MICAL1: variants seen among roughly 807,000 people sequenced by gnomAD.
The protein encoded by MICAL1 is [F-actin]-monooxygenase MICAL1.
MICAL1 carries 95 observed loss-of-function variants against 131.8 expected under a neutral mutation model. That is an observed-to-expected ratio of 0.72 (90% CI 0.61 to 0.86). The LOEUF (loss-of-function observed/expected upper bound fraction) is 0.86. Among genes scored for constraint, MICAL1 ranks in the 40% least tolerant of loss-of-function variants. The probability of loss-of-function intolerance (pLI) is 0.00; values close to 1 mark genes in which losing one functional copy is unlikely to be tolerated. For synonymous variants in MICAL1, 546 were observed against 554.2 expected, an observed-to-expected ratio of 0.99 and a Z score of 0.21; for missense variants, 1,292 against 1,380.6, an observed-to-expected ratio of 0.94 and a Z score of 1.02.
chr6:109,448,114 A>G (rs1775324440), intron 13 of MICAL1, 89 bp downstream of exon 13: 2 of 1,365,052 alleles, frequency 1.5e-6, no homozygotes, highest in Non-Finnish European at 2.0e-6. Flanking sequence ...ACACACACAC[A>G]CACCGCCTTC....
In MICAL1 at chr6:109,448,349, G is replaced by A; in HGVS notation, c.1709C>T (p.Ala570Val). ...LQGLGALEAT[A>V]WALKVAENEL... Reference sequence around the variant, plus strand: ...ATTCTCTGCCACCTTTAGTGCCCAAGCAGTTGCTTCCAGAGCTCCCAGCCC... The same window carrying A: ...ATTCTCTGCCACCTTTAGTGCCCAAACAGTTGCTTCCAGAGCTCCCAGCCC... Residue 570 changes from alanine to valine, a missense_variant, in exon 13 of 25, where the codon GCT becomes GTT. Physicochemically the swap from Ala to Val is moderately conservative, Grantham distance 64. Coordinates refer to ENST00000358807, the MANE Select transcript of MICAL1 (RefSeq NM_022765.4). 6.2e-7 allele frequency: 1 copy of A among 1,613,954 alleles called. No individual in the cohort carries two copies. The highest frequency in any genetic ancestry group is 8.5e-7 in the Non-Finnish European group (1 of 1,180,004).
At chr6:109,448,439 C>T in intron 12 of MICAL1, 46 bp from the exon 13 acceptor site, 1 of 1,601,278 alleles carries the variant, frequency 6.2e-7, no homozygotes, top group African/African-American at 1.3e-5. Flanking sequence ...AAGAACCTAG[C>T]CCCACTGAGG....
At position 109,453,656 on chromosome 6, in the gene MICAL1, C is replaced by A; in HGVS notation, c.448G>T (p.Gly150Cys). The change falls in exon 3 of 25, where the codon GGC (glycine) becomes TGC (cysteine). Residue 150 changes from glycine (G) to cysteine (C), a missense_variant. Transcript: ENST00000358807. ...TGCTCACTGATGTGGTCCAGGGTGC[C>A]GGTGCAGAAGCGCCCGTAGAACTTC... The part of the protein sequence containing the change: ...AKKFYGRFCT[G>C]TLDHISIRQL... The A allele has an allele frequency of 6.2e-7, 1 of 1,607,498 alleles. No individual in the cohort carries two copies. Among genetic ancestry groups the A allele is most frequent in the East Asian group, 2.2e-5 (1 of 44,468 alleles).
chr6:109,449,610 G>A, intron 10 of MICAL1, 47 bp downstream of exon 10: 2 of 1,593,368 alleles, frequency 1.3e-6, no homozygotes, highest in Non-Finnish European at 1.7e-6. Context: ...TGACCTGGGG[G>A]AAGGGGGTTG....
chr6:109,446,914 C>T (rs1314426110), intron 17 of MICAL1, 142 bp from the exon 18 acceptor site: 9 of 1,228,244 alleles, frequency 7.3e-6, no homozygotes, highest in South Asian at 1.3e-5. Context: ...CAGAACCACA[C>T]ATCTGGAGCT....
Position 109,451,696 on chromosome 6 carries a change from A to G in MICAL1, c.837T>C (p.Ile279=). The change falls in exon 7 of 25, where the codon ATT becomes ATC. Residue 279 remains isoleucine (I), a synonymous_variant. Coordinates refer to ENST00000358807, the MANE Select transcript of MICAL1 (RefSeq NM_022765.4). ...FFQSLLKATG[I]DLENIVYYKD... Reference sequence around the variant, plus strand: ...TGTAGTACACAATGTTCTCCAGATCAATGCCTGGGGGTACAGGGCAGGGGA... The same window carrying G: ...TGTAGTACACAATGTTCTCCAGATCGATGCCTGGGGGTACAGGGCAGGGGA... 1.2e-6 allele frequency: 2 copies of G among 1,613,954 alleles called. No individual in the cohort carries two copies. The highest frequency in any genetic ancestry group is 1.1e-5 in the South Asian group (1 of 91,084).
upstream of MICAL1, among the ~76,000 whole-genome samples, chr6:109,457,115 A>G (rs1464151113): frequency 6.6e-6 from 1 of 152,114 alleles, no homozygotes; most frequent in Non-Finnish European, 1.5e-5. Context: ...TCTGAGACCC[A>G]GTAAGACCTG....
In MICAL1 at chr6:109,453,772, ACCACTCGGGCCCCCAGCAGCGCCAGCT is replaced by A. The variant is rs748078311; in HGVS notation, c.305_331del (p.Glu102_Val110del). ...GAACTTGGTGCGCTTTTCCACCAGC[ACCACTCGGGCCCCCAGCAGCGCCAGCT>A]CCACAGCGACCCGCAGCCCGCAAGG... On this transcript the variant is annotated inframe_deletion, in exon 3 of 25. Transcript: ENST00000358807. The A allele has an allele frequency of 1.2e-6, 2 of 1,613,398 alleles. No homozygotes were observed. Among genetic ancestry groups the A allele is most frequent in the African/African-American group, 2.7e-5 (2 of 74,880 alleles).
At position 109,454,222 on chromosome 6, in the gene MICAL1, C is replaced by T; in HGVS notation, c.-26G>A. The stretch of plus-strand genomic sequence containing the variant: ...GGAGGCCTCCTGGGGAGGGCAGCAG[C>T]TGGGCAGAGATGAGTGGCTGGAGAG... On this transcript the variant is annotated 5_prime_UTR_variant, in exon 2 of 25. Coordinates refer to ENST00000358807, the MANE Select transcript of MICAL1 (RefSeq NM_022765.4). 6.3e-7 allele frequency: 1 copy of T among 1,576,540 alleles called. No individual in the cohort carries two copies. Among genetic ancestry groups the T allele is most frequent in the Non-Finnish European group, 8.6e-7 (1 of 1,161,128 alleles).
chr6:109,465,308 T>C, intron 1 of MICAL1: 1 of 270,166 alleles, frequency 3.7e-6, no homozygotes, highest in Non-Finnish European at 7.0e-6. Flanking sequence ...ACGTTGAGGG[T>C]TACTTTGTCT....
Position 109,465,908 on chromosome 6 carries a change from C to T in MICAL1, c.-231G>A, listed in dbSNP as rs142189675. 1.8e-4 allele frequency: 286 copies of T among 1,614,038 alleles called. No homozygotes were observed. Among genetic ancestry groups the T allele is most frequent in the Non-Finnish European group, 2.2e-4 (265 of 1,180,036 alleles). Reference sequence around the variant, plus strand: ...GGGGCACGTGGTGAGTGGGTGGTGGCGGACCAGGCTCCTGTGTCAGCTGCA... The same window carrying T: ...GGGGCACGTGGTGAGTGGGTGGTGGTGGACCAGGCTCCTGTGTCAGCTGCA... On this transcript the variant is annotated 5_prime_UTR_variant, in exon 1 of 25. Coordinates refer to the MICAL1 transcript ENST00000630715.
At chr6:109,454,310 G>C (rs1775664646) in intron 1 of MICAL1, 71 bp from the exon 2 acceptor site, 1 of 1,417,010 alleles carries the variant, frequency 7.1e-7, no homozygotes, top group Non-Finnish European at 9.4e-7. Flanking sequence ...GAGGCGAAGA[G>C]AGCAGGCTGG....
chr6:109,461,721 G>C (rs1775892342), intron 1 of MICAL1, among the ~76,000 whole-genome samples: 1 of 151,938 alleles, frequency 6.6e-6, no homozygotes, highest in African/African-American at 2.4e-5. Flanking sequence ...TAATAAGTGG[G>C]AAATAAATTA....
At chr6:109,452,012 C>A in intron 6 of MICAL1, 1 of 1,392,908 alleles carries the variant, frequency 7.2e-7, no homozygotes, top group Non-Finnish European at 9.3e-7. Context: ...TTAAGCAAAA[C>A]TCCCATACAC....
chr6:109,461,235 T>G (rs963249452), intron 1 of MICAL1, among the ~76,000 whole-genome samples: 1 of 152,148 alleles, frequency 6.6e-6, no homozygotes, highest in African/African-American at 2.4e-5. Context: ...GTTAGTTTGC[T>G]GAGAATGATG....
chr6:109,458,967 G>C (rs759437039), upstream of MICAL1, among the ~76,000 whole-genome samples: 1 of 152,178 alleles, frequency 6.6e-6, no homozygotes, highest in Non-Finnish European at 1.5e-5. Context: ...TGGTTTGATT[G>C]AGGTTAGAGG....
Position 109,444,160 on chromosome 6 carries a change from G to C in MICAL1, c.*31C>G. On this transcript the variant is annotated 3_prime_UTR_variant, in exon 25 of 25. Coordinates refer to ENST00000358807, the MANE Select transcript of MICAL1 (RefSeq NM_022765.4). ...TGTGCTGGGGTGAGGTGCTTTCTTT[G>C]TGGGAACGAAAGCAGACGGCCCACC... 2 of 1,602,030 alleles carry C rather than the reference G, an allele frequency of 1.2e-6. No individual in the cohort carries two copies. The highest frequency in any genetic ancestry group is 1.7e-6 in the Non-Finnish European group (2 of 1,175,672).
Position 109,446,790 on chromosome 6 carries a change from G to A in MICAL1, c.2228-18C>T, listed in dbSNP as rs980663391. On this transcript the variant is annotated intron_variant, in intron 17 of 24. Transcript: ENST00000358807. Reference sequence around the variant, plus strand: ...GAAATGTCCTGGAAAGGGTAGAGAGGGGAGGAGGCATTTGGTGTGGGCAGC... The same window carrying A: ...GAAATGTCCTGGAAAGGGTAGAGAGAGGAGGAGGCATTTGGTGTGGGCAGC... 6.2e-7 allele frequency: 1 copy of A among 1,610,266 alleles called. No individual in the cohort carries two copies. The highest frequency in any genetic ancestry group is 8.5e-7 in the Non-Finnish European group (1 of 1,177,892).
intron 19 of MICAL1, 21 bp downstream of exon 19, chr6:109,446,115 A>G (rs762224255): frequency 6.6e-7 from 1 of 1,523,596 alleles, no homozygotes; most frequent in East Asian, 2.3e-5. Flanking sequence ...CTGGGTCAGC[A>G]CATCTGTGAG....
Sources: allele counts gnomAD v4.1 joint callset (sites outside exome capture counted in the v4.1 genomes callset), GRCh38; gene constraint gnomAD v4.1.1; transcripts MANE v1.5; gene names NCBI Gene and HGNC (gene_info 2026-07-23, HGNC 2026-07-21).